NRK: variants seen among roughly 807,000 people sequenced by gnomAD.
NRK encodes the protein nik-related protein kinase.
Under a neutral mutation model 125.2 loss-of-function variants are expected in NRK, and 67 were observed. The ratio of observed to expected loss-of-function variants is 0.54; its 90% CI spans 0.44 to 0.66. The LOEUF (loss-of-function observed/expected upper bound fraction) is 0.66. Ranked by LOEUF, NRK falls within the 30% of genes least tolerant of loss-of-function variation. The probability of loss-of-function intolerance (pLI) is 0.00; values close to 1 mark genes in which losing one functional copy is unlikely to be tolerated. For synonymous variants in NRK, 458 were observed against 429.0 expected, an observed-to-expected ratio of 1.07 and a Z score of -0.84; for missense variants, 1,224 against 1,192.9, an observed-to-expected ratio of 1.03 and a Z score of -0.38.
At chrX:105,900,061 A>G (rs1159546867) in intron 8 of NRK, among the ~76,000 whole-genome samples, 1 of 110,050 alleles carries the variant, frequency 9.1e-6, no homozygotes, top group African/African-American at 3.3e-5. Flanking sequence ...CACACTCTGA[A>G]GAAAAAAAGT....
intron 6 of NRK, chrX:105,895,108 T>C (rs1044073034): frequency 4.5e-6 from 2 of 446,639 alleles, no homozygotes; most frequent in African/African-American, 4.9e-5. Flanking sequence ...GATGTCCAGA[T>C]CTTTACTCTT....
intron 12 of NRK, 116 bp downstream of exon 12, chrX:105,908,419 C>T (rs2040247528): frequency 2.2e-6 from 1 of 454,957 alleles, no homozygotes; most frequent in South Asian, 5.5e-5. Flanking sequence ...CAACAAATAA[C>T]AAATCTCTGT....
At position 105,925,000 on chromosome X, in the gene NRK, C is replaced by A. The variant is rs41300163; in HGVS notation, c.3281C>A (p.Pro1094His). The A allele has an allele frequency of 5.1e-4, 613 of 1,207,149 alleles. No individual in the cohort carries two copies. Among genetic ancestry groups the A allele is most frequent in the Non-Finnish European group, 6.7e-4 (600 of 892,855 alleles). ...ACAGATGGTCCAGGATTGAAGAGAC[C>A]TGCGTCTCAGGACTTTGAATATCTA... ...SETDGPGLKRPASQDFEYLQE... is the reference protein window; with the variant it reads ...SETDGPGLKRHASQDFEYLQE... Residue 1094 changes from proline to histidine, a missense_variant, in exon 19 of 29, where the codon CCT becomes CAT. Transcript: ENST00000243300.
chrX:105,884,986 C>T (rs1231241669), intron 4 of NRK, among the ~76,000 whole-genome samples: 6 of 110,691 alleles, frequency 5.4e-5, no homozygotes, highest in South Asian at 3.8e-4. Flanking sequence ...AGATGGGGTT[C>T]CACCATTTTG....
chrX:105,839,327 G>GA (rs1313373841), intron 2 of NRK, among the ~76,000 whole-genome samples: 123 of 259 alleles, frequency 0.47, no homozygotes, highest in African/African-American at 0.54. Context: ...AATAATGCTT[G>GA]AGCACCCCTT....
Position 105,909,212 on chromosome X carries a change from A to G in NRK, c.1571A>G (p.Asp524Gly). ...GTACCAGAGGAATTTCAGGGTCAAG[A>G]TCAGGTACCCGAACAACAAAGGCAG... ...DQVPEEFQGQ[D>G]QVPEQQRQGQ... is the part of the protein sequence containing the mutation. The change falls in exon 13 of 29, where the codon GAT (aspartate) becomes GGT (glycine). Residue 524 changes from aspartate (D) to glycine (G), a missense_variant. Asp to Gly is a moderately conservative substitution (Grantham distance 94, BLOSUM62 -1). Coordinates refer to ENST00000243300, the MANE Select transcript of NRK (RefSeq NM_198465.4). 4.1e-6 allele frequency: 5 copies of G among 1,210,135 alleles called. No homozygotes were observed. Among genetic ancestry groups the G allele is most frequent in the Non-Finnish European group, 5.6e-6 (5 of 894,674 alleles).
intron 2 of NRK, among the ~76,000 whole-genome samples, chrX:105,836,719 C>T (rs1401542342): frequency 1.8e-5 from 2 of 112,219 alleles, no homozygotes; most frequent in South Asian, 3.6e-4. Flanking sequence ...GAAAAAAGGG[C>T]GTGCTTTGAA....
rs1206136762 is a variant in NRK at position 105,881,595 on chromosome X, G to T, written c.181-113G>T. 1.2e-5 allele frequency: 5 copies of T among 405,817 alleles called. No individual in the cohort carries two copies. The East Asian group carries it at 2.0e-4, about 16-fold the overall frequency. The allele number at this position is 405,817 out of a possible 1,213,427, so 33.4% of individuals were successfully genotyped here. ...AAACTATTGGAGAAAATTGAGAGAGGAATAATGTTATCTTACTTTTCCATT... is the reference window on the plus strand; with the variant it reads ...AAACTATTGGAGAAAATTGAGAGAGTAATAATGTTATCTTACTTTTCCATT... On this transcript the variant is annotated intron_variant, in intron 3 of 28. Transcript: ENST00000243300.
At chrX:105,855,814 G>T (rs1412235879) in intron 2 of NRK, among the ~76,000 whole-genome samples, 2 of 111,713 alleles carry the variant, frequency 1.8e-5, no homozygotes, top group African/African-American at 3.2e-5. Context: ...CTTACATTAA[G>T]TGTACAACAA....
chrX:105,843,991 GTGTGTGTGTGTGTGTGTGTGTGTGTGTC>G (rs2039364571), intron 2 of NRK, among the ~76,000 whole-genome samples: 1 of 87,282 alleles, frequency 1.1e-5, no homozygotes, highest in African/African-American at 5.7e-5. Flanking sequence ...GTGTGTGTGT[GTGTGTGTGTGTGTGTGTGTGTGTGTGTC>G]TGTGTGTGTG....
At chrX:105,888,148 C>T (rs2039971473) in intron 4 of NRK, 146 bp from the exon 5 acceptor site, 1 of 437,474 alleles carries the variant, frequency 2.3e-6, no homozygotes, top group African/African-American at 2.6e-5. Flanking sequence ...CATTCACTGA[C>T]CATTTTAGTT....
chrX:105,829,577 C>T (rs2039159448), intron 1 of NRK, among the ~76,000 whole-genome samples: 1 of 111,358 alleles, frequency 9.0e-6, no homozygotes, highest in Non-Finnish European at 1.9e-5. Flanking sequence ...TGATAAAATT[C>T]AAGAAACCAT....
intron 28 of NRK, among the ~76,000 whole-genome samples, chrX:105,955,061 A>G (rs935665329): frequency 8.9e-6 from 1 of 111,862 alleles, no homozygotes; most frequent in Non-Finnish European, 1.9e-5. Flanking sequence ...AAAGAAAAAA[A>G]AAGAAAATTG....
intron 17 of NRK, 117 bp from the exon 18 acceptor site, chrX:105,923,001 T>G: frequency 1.3e-6 from 1 of 777,622 alleles, no homozygotes; most frequent in Non-Finnish European, 1.8e-6. Flanking sequence ...ATCTAATGAG[T>G]GAACATCCTT....
intron 2 of NRK, among the ~76,000 whole-genome samples, chrX:105,832,508 G>T (rs1400694974): frequency 9.0e-6 from 1 of 111,353 alleles, no homozygotes; most frequent in African/African-American, 3.3e-5. Flanking sequence ...CTGTCCTTAG[G>T]CTGATCCTTA....
chrX:105,848,139 G>A (rs1005527156), intron 2 of NRK, among the ~76,000 whole-genome samples: 1 of 111,836 alleles, frequency 8.9e-6, no homozygotes, highest in Non-Finnish European at 1.9e-5. Flanking sequence ...ACAGGACAGA[G>A]CTGATAGGAC....
At chrX:105,878,718 G>T (rs1449140760) in intron 2 of NRK, among the ~76,000 whole-genome samples, 2 of 110,760 alleles carry the variant, frequency 1.8e-5, no homozygotes, top group Non-Finnish European at 3.8e-5. Flanking sequence ...AAAAATTCTA[G>T]TCTTCTGTGG....
At chrX:105,910,128 A>G (rs923662152) in intron 13 of NRK, among the ~76,000 whole-genome samples, 3 of 112,062 alleles carry the variant, frequency 2.7e-5, no homozygotes, top group Non-Finnish European at 5.6e-5. Flanking sequence ...TTTTCTGTCT[A>G]TTATTCTTTA....
At chrX:105,845,197 A>G (rs2039385162) in intron 2 of NRK, among the ~76,000 whole-genome samples, 1 of 112,024 alleles carries the variant, frequency 8.9e-6, no homozygotes. Flanking sequence ...CTTAGCCTCA[A>G]TCAAATTTTT....
Sources: allele counts gnomAD v4.1 joint callset (sites outside exome capture counted in the v4.1 genomes callset), GRCh38; gene constraint gnomAD v4.1.1; transcripts MANE v1.5; gene names NCBI Gene and HGNC (gene_info 2026-07-23, HGNC 2026-07-21).